The following MRPL34 variants were observed in gnomAD, a reference collection of about 807,000 sequenced individuals.
MRPL34 encodes large ribosomal subunit protein bL34m.
In MRPL34, 8 loss-of-function variants were observed where a neutral mutation model predicts 6.7. That is an observed-to-expected ratio of 1.20 (90% CI 0.70 to 2.16). The LOEUF is 2.16. MRPL34 is among the 30% of genes most tolerant of loss of function. The pLI, the probability that MRPL34 is intolerant of heterozygous loss-of-function variation, is 0.00. For synonymous variants in MRPL34, 59 were observed against 55.1 expected, an observed-to-expected ratio of 1.07 and a Z score of -0.31; for missense variants, 146 against 125.5, an observed-to-expected ratio of 1.16 and a Z score of -0.78.
At chr19:17,294,468 C>T in intron 1 of MRPL34, 1 of 1,614,176 alleles carries the variant, frequency 6.2e-7, no homozygotes, top group African/African-American at 1.3e-5. Flanking sequence ...CCTTTAACAG[C>T]TGCTTCTCCT....
rs578144449 is a variant in MRPL34, at chr19:17,306,706, C to G, written c.*327C>G. 3 of 206,046 alleles carry G rather than the reference C, an allele frequency of 1.5e-5. No individual in the cohort carries two copies. In the Admixed American group the frequency reaches 1.8e-4, roughly 12 times the overall value. The allele number at this position is 206,046 out of a possible 1,614,324, so 12.8% of individuals were successfully genotyped here. A position where few individuals can be genotyped will look rare whatever the true frequency, so the allele number is the denominator to read the frequency against. On this transcript the variant is annotated 3_prime_UTR_variant, in exon 2 of 2. Transcript: ENST00000252602. ...GATCTCAGGCATCGGATTATTTCTT[C>G]TGTAAATATTTCAGAATGTATCTCT...
chr19:17,301,766 A>AT (rs1207468346), upstream of MRPL34: 10 of 964,988 alleles, frequency 1.0e-5, no homozygotes, highest in South Asian at 6.5e-5. Context: ...CGGCACTGAG[A>AT]TTTTTTTGTT....
chr19:17,301,810 T>TG (rs1555721124), upstream of MRPL34, among the ~76,000 whole-genome samples: 26 of 119,516 alleles, frequency 2.2e-4, 1 homozygote, highest in Admixed American at 9.9e-4. Flanking sequence ...GTGTGTGTGT[T>TG]TTTGAGACAG....
At chr19:17,305,241 CTTTTT>C (rs34823570), upstream of MRPL34, among the ~76,000 whole-genome samples, 4 of 121,214 alleles carry the variant, frequency 3.3e-5, no homozygotes, top group Admixed American at 1.7e-4. Context: ...ATTTTTCTTC[CTTTTT>C]TTTTTTTTTT....
chr19:17,294,201 G>A (rs6512183), intron 1 of MRPL34: 149,710 of 1,462,666 alleles, frequency 0.1, 8,770 homozygotes, highest in African/African-American at 0.24. Context: ...CCCACCAAGC[G>A]CTACCACGCC....
At chr19:17,294,880 A>T (rs1378233478) in intron 1 of MRPL34, 1 of 1,603,874 alleles carries the variant, frequency 6.2e-7, no homozygotes, top group Admixed American at 1.7e-5. Context: ...GGAGGATTGA[A>T]GGGAGGCGGT....
chr19:17,306,352 C>T lies in MRPL34; in HGVS notation c.252C>T (p.Leu84=). The T allele has an allele frequency of 6.2e-7, 1 of 1,605,150 alleles. No individual in the cohort carries two copies. Among genetic ancestry groups the T allele is most frequent in the Non-Finnish European group, 8.5e-7 (1 of 1,177,310 alleles). ...AGVQVILRRM[L]KGRKSLSH ...TGCAGGTCATCCTTCGCCGAATGCT[C>T]AAGGGCCGCAAGTCGCTGAGCCATT... The change falls in exon 2 of 2, where the codon CTC becomes CTT. Residue 84 remains leucine (L), a synonymous_variant. Coordinates refer to ENST00000252602, the MANE Select transcript of MRPL34 (RefSeq NM_023937.4).
upstream of MRPL34, chr19:17,301,277 G>T: frequency 1.2e-6 from 2 of 1,604,384 alleles, no homozygotes; most frequent in Non-Finnish European, 1.7e-6. Context: ...AGGGCGGCCG[G>T]CGGCTCCCCA....
chr19:17,300,500 C>T (rs1324433841), upstream of MRPL34, among the ~76,000 whole-genome samples: 1 of 152,080 alleles, frequency 6.6e-6, no homozygotes, highest in South Asian at 2.1e-4. Context: ...AGTGGCATCT[C>T]AGAGTCTCCC....
chr19:17,304,160 T>C (rs2074135348), upstream of MRPL34, among the ~76,000 whole-genome samples: 1 of 152,218 alleles, frequency 6.6e-6, no homozygotes. Flanking sequence ...TTGAATTTCA[T>C]AATCAGCCGA....
At position 17,306,164 on chromosome 19, in the gene MRPL34, AGGT is replaced by A. The variant is rs765199636; in HGVS notation, c.67_69del (p.Trp23del). 8 of 1,521,254 alleles carry A rather than the reference AGGT, an allele frequency of 5.3e-6. No individual in the cohort carries two copies. The South Asian group carries it at 9.9e-5, about 19-fold the overall frequency. 94.2% of individuals were successfully genotyped at this position (1,521,254 alleles called of 1,614,324 possible). A position where few individuals can be genotyped will look rare whatever the true frequency, so the allele number is the denominator to read the frequency against. On this transcript the variant is annotated splice_acceptor_variant and coding_sequence_variant, in exon 2 of 2. Transcript: ENST00000252602. LOFTEE classifies it high-confidence loss of function. ...TTTCTCGCCGTCCCTCTACCCACGC[AGGT>A]GGCTCCAGCCCCGGGCCTGGCTGGG...
chr19:17,302,923 G>C (rs922889589), upstream of MRPL34: 3 of 152,520 alleles, frequency 2.0e-5, no homozygotes, highest in African/African-American at 7.2e-5. Flanking sequence ...CCCCAGGTTG[G>C]GCGCCGCTAA....
intron 1 of MRPL34, among the ~76,000 whole-genome samples, chr19:17,293,413 C>T (rs181607568): frequency 0.01 from 1,357 of 131,900 alleles, 16 homozygotes; most frequent in African/African-American, 0.035. Flanking sequence ...AGGATTTTGT[C>T]AACTTCAACT....
At chr19:17,300,264 G>A (rs773660591), upstream of MRPL34, among the ~76,000 whole-genome samples, 1 of 151,552 alleles carries the variant, frequency 6.6e-6, no homozygotes, top group Non-Finnish European at 1.5e-5. Context: ...GGAGTGCAGT[G>A]GTGTGATCAC....
rs147460934 is a variant in MRPL34 at position 17,294,279 on chromosome 19, C to T, written c.214+1425C>T. 162 of 1,595,546 alleles carry T rather than the reference C, an allele frequency of 1.0e-4. 3 individuals carry two copies. The East Asian group carries it at 3.5e-3, about 34-fold the overall frequency. On this transcript the variant is annotated intron_variant, in intron 1 of 2. Coordinates refer to the MRPL34 transcript ENST00000595444. ...TTGTAGCTGTGGCGCCCCAGGTGCC[C>T]GCCTCTACCTCGGCCATGCGCTGGT...
At position 17,305,921 on chromosome 19, in the gene MRPL34, G is replaced by A; in HGVS notation, c.29G>A (p.Gly10Asp). 6.2e-7 allele frequency: 1 copy of A among 1,614,130 alleles called. No individual in the cohort carries two copies. Residue 10 changes from glycine to aspartate, a missense_variant, in exon 1 of 2, where the codon GGC (glycine) becomes GAC (aspartate). Physicochemically the swap from Gly to Asp is moderately conservative, Grantham distance 94. Coordinates refer to ENST00000252602, the MANE Select transcript of MRPL34 (RefSeq NM_023937.4). The part of the protein sequence containing the change: MAVLAGSLL[G>D]PTSRSAALLG... Reference sequence around the variant, plus strand: ...GCTGTCTTGGCTGGATCCCTGTTGGGCCCCACGAGTAGGTCGGCAGCGTTG... The same window carrying A: ...GCTGTCTTGGCTGGATCCCTGTTGGACCCCACGAGTAGGTCGGCAGCGTTG...
rs763851970 is a variant in MRPL34, at chr19:17,294,243, A to G, written c.214+1389A>G. ...AGAGGCCACGCCCCTCCCGGGCAGCACCCTGGGGATTTGTAGCTGTGGCGC... is the reference window on the plus strand; with the variant it reads ...AGAGGCCACGCCCCTCCCGGGCAGCGCCCTGGGGATTTGTAGCTGTGGCGC... On this transcript the variant is annotated intron_variant, in intron 1 of 2. Coordinates refer to the MRPL34 transcript ENST00000595444. The G allele has an allele frequency of 5.1e-6, 8 of 1,578,782 alleles. No individual in the cohort carries two copies. In the Admixed American group the frequency reaches 1.2e-4, roughly 23 times the overall value.
upstream of MRPL34, chr19:17,305,763 G>C: frequency 1.1e-6 from 1 of 934,672 alleles, no homozygotes; most frequent in Non-Finnish European, 1.7e-6. Context: ...ACAACTTCAG[G>C]GTTTTCCCCA....
At chr19:17,304,770 G>T (rs1357099807), upstream of MRPL34, among the ~76,000 whole-genome samples, 3 of 150,386 alleles carry the variant, frequency 2.0e-5, no homozygotes, top group African/African-American at 7.3e-5. Context: ...AATGGACAGC[G>T]GTTGAGAGAA....
Sources: allele counts gnomAD v4.1 joint callset (sites outside exome capture counted in the v4.1 genomes callset), GRCh38; gene constraint gnomAD v4.1.1; transcripts MANE v1.5; gene names NCBI Gene and HGNC (gene_info 2026-07-23, HGNC 2026-07-21).